Variants in PPP4R4 observed in about 807,000 individuals in gnomAD.
PPP4R4 encodes serine/threonine-protein phosphatase 4 regulatory subunit 4.
A neutral mutation model predicts 121.8 loss-of-function variants in PPP4R4; 70 were observed. That is an observed-to-expected ratio of 0.57 (90% CI 0.47 to 0.70). The LOEUF is 0.70. PPP4R4 is among the 30% of genes least tolerant of loss of function. The pLI, the probability that PPP4R4 is intolerant of heterozygous loss-of-function variation, is 0.00. For synonymous variants in PPP4R4, 348 were observed against 355.7 expected (o/e 0.98, Z 0.24); for missense variants, 875 against 1,033.6 (o/e 0.85, Z 2.10).
At chr14:94,198,175 C>T (rs1889984256) in intron 2 of PPP4R4, among the ~76,000 whole-genome samples, 2 of 152,132 alleles carry the variant, frequency 1.3e-5, no homozygotes, top group African/African-American at 4.8e-5. Context: ...AGGACCATTA[C>T]TCCTCATCCT....
rs1269271885 is a variant in PPP4R4 at position 94,244,637 on chromosome 14, A to G, written c.1269A>G (p.Val423=). Residue 423 remains valine (V), a splice_region_variant and synonymous_variant, in exon 12 of 25, where the codon GTA becomes GTG. Coordinates refer to ENST00000304338, the MANE Select transcript of PPP4R4 (RefSeq NM_058237.2). ...RYTIAICFYE[V]SKLLNSGVYL... is the part of the protein sequence containing the mutation. ...GAGACTTTATTGCTATATTTTAGGT[A>G]TCTAAGCTTCTGAATTCTGGAGTAT... The G allele has an allele frequency of 5.3e-6, 8 of 1,495,728 alleles. No homozygotes were observed. The East Asian group carries it at 7.4e-5, about 14-fold the overall frequency. 92.7% of individuals were successfully genotyped at this position (1,495,728 alleles called of 1,614,324 possible).
At chr14:94,253,872 GC>G (rs1339776338) in intron 16 of PPP4R4, among the ~76,000 whole-genome samples, 1 of 152,194 alleles carries the variant, frequency 6.6e-6, no homozygotes, top group Non-Finnish European at 1.5e-5. Context: ...GGGTATAAAA[GC>G]CCTTGCTCAG....
At chr14:94,233,993 C>T (rs563824406) in intron 6 of PPP4R4, among the ~76,000 whole-genome samples, 12 of 152,246 alleles carry the variant, frequency 7.9e-5, no homozygotes, top group African/African-American at 2.6e-4. Context: ...CTATCTTAAT[C>T]TTCCCTATCT....
At chr14:94,268,852 TGG>T (rs1894175515) in intron 23 of PPP4R4, among the ~76,000 whole-genome samples, 2 of 152,006 alleles carry the variant, frequency 1.3e-5, no homozygotes, top group African/African-American at 2.4e-5. Flanking sequence ...CCACAACACA[TGG>T]GGGTTATTAC....
At chr14:94,242,485 A>AGATT in intron 11 of PPP4R4, 77 bp downstream of exon 11, 1 of 1,394,858 alleles carries the variant, frequency 7.2e-7, no homozygotes, top group Non-Finnish European at 1.0e-6. Flanking sequence ...TTGTGCTTAT[A>AGATT]GATTATAAGA....
rs1343394627 is a variant in PPP4R4, at chr14:94,208,447, T to G, written c.192-17T>G. On this transcript the variant is annotated splice_polypyrimidine_tract_variant and intron_variant, in intron 2 of 24. Transcript: ENST00000304338. ...AGCTTATAATTATAAATTTTAAATT[T>G]GTGTTTTCTTTGTAAGTGCTGGTCA... The G allele has an allele frequency of 7.6e-6, 12 of 1,569,436 alleles. No individual in the cohort carries two copies. The highest frequency in any genetic ancestry group is 1.4e-5 in the African/African-American group (1 of 73,872).
chr14:94,256,742 G>T, intron 17 of PPP4R4, 138 bp downstream of exon 17: 1 of 997,002 alleles, frequency 1.0e-6, no homozygotes, highest in Non-Finnish European at 1.4e-6. Context: ...ATTAGTAAAT[G>T]ATTTGGTTGA....
Position 94,208,444 on chromosome 14 carries a change from A to G in PPP4R4, c.192-20A>G, listed in dbSNP as rs1303070091. ...TTCAGCTTATAATTATAAATTTTAA[A>G]TTTGTGTTTTCTTTGTAAGTGCTGG... On this transcript the variant is annotated intron_variant, in intron 2 of 24. Coordinates refer to ENST00000304338, the MANE Select transcript of PPP4R4 (RefSeq NM_058237.2). 2 of 1,560,936 alleles carry G rather than the reference A, an allele frequency of 1.3e-6. No homozygotes were observed. The highest frequency in any genetic ancestry group is 2.7e-5 in the African/African-American group (2 of 73,630).
intron 2 of PPP4R4, among the ~76,000 whole-genome samples, chr14:94,183,526 ATCTCTG>A: frequency 6.6e-6 from 1 of 152,188 alleles, no homozygotes; most frequent in Non-Finnish European, 1.5e-5. Context: ...ATTGTTTCCC[ATCTCTG>A]TTTCCTTGTC....
At chr14:94,242,158 C>T in intron 10 of PPP4R4, 131 bp from the exon 11 acceptor site, 3 of 1,288,906 alleles carry the variant, frequency 2.3e-6, no homozygotes, top group Non-Finnish European at 3.2e-6. Context: ...TTGGATCTTC[C>T]AAATATGATT....
chr14:94,234,501 T>C (rs10139110), intron 6 of PPP4R4, 61 bp from the exon 7 acceptor site: 95,499 of 998,678 alleles, frequency 0.096, 5,734 homozygotes, highest in African/African-American at 0.19. Flanking sequence ...ATGATAATTG[T>C]TTGGGAATAT....
intron 2 of PPP4R4, among the ~76,000 whole-genome samples, chr14:94,188,920 A>G (rs1405316532): frequency 6.6e-6 from 1 of 152,180 alleles, no homozygotes; most frequent in Admixed American, 6.5e-5. Context: ...TATCTTGAAT[A>G]TGCAGCATTT....
At chr14:94,210,871 T>A (rs1212534346) in intron 3 of PPP4R4, among the ~76,000 whole-genome samples, 1 of 152,134 alleles carries the variant, frequency 6.6e-6, no homozygotes, top group Non-Finnish European at 1.5e-5. Flanking sequence ...AATGATAAAA[T>A]CTGTGTTTCT....
chr14:94,194,797 C>T (rs1889781964), intron 2 of PPP4R4, among the ~76,000 whole-genome samples: 1 of 152,036 alleles, frequency 6.6e-6, no homozygotes, highest in South Asian at 2.1e-4. Context: ...CTGATTATGA[C>T]TAAAGTCAGC....
chr14:94,265,721 G>T, intron 21 of PPP4R4, 73 bp from the exon 22 acceptor site: 1 of 1,098,014 alleles, frequency 9.1e-7, no homozygotes, highest in South Asian at 1.4e-5. Context: ...GATGGTAGTT[G>T]GGGAGGGAAT....
chr14:94,209,317 G>A (rs1393434966), intron 3 of PPP4R4, among the ~76,000 whole-genome samples: 1 of 151,970 alleles, frequency 6.6e-6, no homozygotes, highest in Non-Finnish European at 1.5e-5. Flanking sequence ...GCTAATAGAG[G>A]TTGGTAGATT....
chr14:94,278,369 A>G (rs1423355242), intron 24 of PPP4R4, among the ~76,000 whole-genome samples: 2 of 152,196 alleles, frequency 1.3e-5, no homozygotes, highest in Non-Finnish European at 2.9e-5. Flanking sequence ...ATTGAATGCT[A>G]TGTTATATAT....
chr14:94,192,094 A>C (rs747961652), intron 2 of PPP4R4, among the ~76,000 whole-genome samples: 1 of 152,156 alleles, frequency 6.6e-6, no homozygotes, highest in Non-Finnish European at 1.5e-5. Flanking sequence ...GTAGGCCCTT[A>C]AATGTTAACT....
rs1354384066 is a variant in PPP4R4 at position 94,237,689 on chromosome 14, A to G, written c.853+3A>G. 6.2e-7 allele frequency: 1 copy of G among 1,611,538 alleles called. No individual in the cohort carries two copies. Among genetic ancestry groups the G allele is most frequent in the Non-Finnish European group, 8.5e-7 (1 of 1,177,952 alleles). On this transcript the variant is annotated splice_donor_region_variant and intron_variant, in intron 8 of 24. Transcript: ENST00000304338. The stretch of plus-strand genomic sequence containing the variant: ...TCTGCTTGATATATTTGATACAGGT[A>G]AATCATGTGGCTACATCTTTGCTTC...
Sources: allele counts gnomAD v4.1 joint callset (sites outside exome capture counted in the v4.1 genomes callset), GRCh38; gene constraint gnomAD v4.1.1; transcripts MANE v1.5; gene names NCBI Gene and HGNC (gene_info 2026-07-23, HGNC 2026-07-21).